The following CDK12 variants were observed in gnomAD, a reference collection of about 807,000 sequenced individuals.
CDK12 encodes the protein cyclin dependent kinase 12.
Under a neutral mutation model 133.8 loss-of-function variants are expected in CDK12, and 17 were observed. That is an observed-to-expected ratio of 0.13 (90% CI 0.09 to 0.19). CDK12 has a LOEUF of 0.19. CDK12 is among the 10% of genes least tolerant of loss of function. CDK12 has a pLI of 1.00. For synonymous variants in CDK12, 694 were observed against 683.6 expected, an observed-to-expected ratio of 1.02 and a Z score of -0.24; for missense variants, 1,508 against 1,818.7, an observed-to-expected ratio of 0.83 and a Z score of 3.11.
Position 39,463,061 on chromosome 17 carries a change from G to T in CDK12, c.990G>T (p.Arg330Ser). The change falls in exon 1 of 14, where the codon AGG becomes AGT. Residue 330 changes from arginine (R) to serine (S), a missense_variant. By Grantham distance (110) the Arg-to-Ser change is moderately radical. Coordinates refer to ENST00000447079, the MANE Select transcript of CDK12 (RefSeq NM_016507.4). ...GATCGCCCAGTCCCTATGGTCGAAG[G>T]CGGTCCAGCAGCCCTTTCCTGAGCA... ...SGRSPSPYGR[R>S]RSSSPFLSKR... The T allele has an allele frequency of 6.2e-7, 1 of 1,614,196 alleles. No homozygotes were observed. Among genetic ancestry groups the T allele is most frequent in the East Asian group, 2.2e-5 (1 of 44,886 alleles).
upstream of CDK12, among the ~76,000 whole-genome samples, chr17:39,547,573 C>T (rs2055774420): frequency 6.6e-6 from 1 of 152,190 alleles, no homozygotes; most frequent in South Asian, 2.1e-4. Flanking sequence ...TCTGTCCATA[C>T]TCATTCCCAG....
chr17:39,565,649 G>A (rs999705400), downstream of CDK12, among the ~76,000 whole-genome samples: 6 of 150,252 alleles, frequency 4.0e-5, no homozygotes, highest in African/African-American at 1.5e-4. Flanking sequence ...GGTCAGGCTG[G>A]TCTCAAACTC....
In CDK12 at chr17:39,564,312, AG is replaced by A. The variant is rs202144252; in HGVS notation, n.485-443del. 4.0e-3 allele frequency among the ~76,000 whole-genome samples: 608 copies of A among 152,220 alleles called. 6 individuals are homozygous for A. Among genetic ancestry groups the A allele is most frequent in the African/African-American group, 0.014 (577 of 41,536 alleles). On this transcript the variant is annotated intron_variant and non_coding_transcript_variant, in intron 3 of 3. Transcript: ENST00000558240. ...AGTCTATGATAGTGTGTGTCCCAAG[AG>A]GGGGTTACAGAGAAGCCATAAGCAA...
intron 11 of CDK12, 23 bp downstream of exon 11, chr17:39,520,110 T>C: frequency 6.2e-7 from 1 of 1,613,322 alleles, no homozygotes; most frequent in Middle Eastern, 1.7e-4. Flanking sequence ...AGCCATGTTG[T>C]GACCCTAAAT....
chr17:39,505,442 T>C (rs1240044747), intron 6 of CDK12, among the ~76,000 whole-genome samples: 3 of 148,318 alleles, frequency 2.0e-5, no homozygotes, highest in African/African-American at 7.5e-5. Flanking sequence ...GGAGAATCAC[T>C]TGAACCCGGG....
rs2054896570 is a variant in CDK12, at chr17:39,532,120, CTCTCT to C, written c.*805_*809del. 2 of 216,754 alleles carry C rather than the reference CTCTCT, an allele frequency of 9.2e-6. No homozygotes were observed. Among genetic ancestry groups the C allele is most frequent in the East Asian group, 1.2e-4 (2 of 16,640 alleles). 13.4% of individuals were successfully genotyped at this position (216,754 alleles called of 1,614,324 possible). ...TCTCTCTTTCTCTCTCTCTCTCTCT[CTCTCT>C]CTCTCTCTCTCTCTCTCTGTCTCGC... is the stretch of plus-strand genomic sequence containing the variant. On this transcript the variant is annotated 3_prime_UTR_variant, in exon 14 of 14. Transcript: ENST00000447079.
At chr17:39,512,234 C>T (rs893891192) in intron 8 of CDK12, among the ~76,000 whole-genome samples, 3 of 152,102 alleles carry the variant, frequency 2.0e-5, no homozygotes, top group Non-Finnish European at 2.9e-5. Context: ...TGACTACAGG[C>T]GTATGTTGCC....
chr17:39,494,972 C>G (rs1258499716), intron 5 of CDK12, among the ~76,000 whole-genome samples: 1 of 151,896 alleles, frequency 6.6e-6, no homozygotes, highest in Admixed American at 6.6e-5. Context: ...GGGGTTTCAC[C>G]GTGTTAGCCA....
In CDK12 at chr17:39,481,633, GCTCTCTCTCTCTCTCTCTCTCTCTCTCT is replaced by G. The variant is rs58047556; in HGVS notation, c.1932-8873_1932-8846del. Among the ~76,000 whole-genome samples, 40 of 17,626 alleles carry G rather than the reference GCTCTCTCTCTCTCTCTCTCTCTCTCTCT, an allele frequency of 2.3e-3. 3 individuals are homozygous for G. The highest frequency in any genetic ancestry group is 4.2e-3 in the Non-Finnish European group (25 of 5,956). 11.6% of individuals were successfully genotyped at this position (17,626 alleles called of 152,430 possible). A position where few individuals can be genotyped will look rare whatever the true frequency, so the allele number is the denominator to read the frequency against. On this transcript the variant is annotated intron_variant, in intron 2 of 13. Transcript: ENST00000447079. ...CACTTATGTGCTTGCTCGCTCGCGC[GCTCTCTCTCTCTCTCTCTCTCTCTCTCT>G]CTCTCTCTCTCTCTCTCTCTCTCTC...
At position 39,471,424 on chromosome 17, in the gene CDK12, C is replaced by T. The variant is rs149672767; in HGVS notation, c.1592C>T (p.Thr531Ile). 1.2e-6 allele frequency: 2 copies of T among 1,613,706 alleles called. No individual in the cohort carries two copies. The highest frequency in any genetic ancestry group is 2.7e-5 in the African/African-American group (2 of 74,882). ...SEKETPPPLP[T>I]IASPPPPLPT... ...AAGGAGACCCCTCCACCTCTTCCCACAATTGCTTCTCCCCCACCCCCTCTA... is the reference window on the plus strand; with the variant it reads ...AAGGAGACCCCTCCACCTCTTCCCATAATTGCTTCTCCCCCACCCCCTCTA... Residue 531 changes from threonine (T) to isoleucine (I), a missense_variant, in exon 2 of 14, where the codon ACA (threonine) becomes ATA (isoleucine). By Grantham distance (89) the Thr-to-Ile change is moderately conservative. This residue lies in a region of CDK12 where 347 missense variants were observed against 330.8 expected (regional missense o/e 1.05). Coordinates refer to ENST00000447079, the MANE Select transcript of CDK12 (RefSeq NM_016507.4).
At chr17:39,485,920 C>T (rs1312606456) in intron 2 of CDK12, among the ~76,000 whole-genome samples, 1 of 151,814 alleles carries the variant, frequency 6.6e-6, no homozygotes, top group African/African-American at 2.4e-5. Context: ...ATGATGATGA[C>T]ACAATTAAAA....
downstream of CDK12, among the ~76,000 whole-genome samples, chr17:39,537,574 T>A (rs920838405): frequency 6.6e-6 from 1 of 151,072 alleles, no homozygotes; most frequent in South Asian, 2.1e-4. Flanking sequence ...TATTTATTTA[T>A]TTATTTATTT....
At chr17:39,551,108 T>A (rs559253926) in exon 2 of CDK12, 1 of 152,138 alleles carries the variant, frequency 6.6e-6, no homozygotes, top group East Asian at 1.9e-4. Flanking sequence ...TGTTCCTGGA[T>A]TTGGAGAATT....
At chr17:39,503,650 G>C (rs1485078857) in intron 6 of CDK12, among the ~76,000 whole-genome samples, 1 of 152,146 alleles carries the variant, frequency 6.6e-6, no homozygotes, top group African/African-American at 2.4e-5. Flanking sequence ...AAGCTGATGA[G>C]GTTCCAGACT....
At chr17:39,564,243 A>G (rs1310435485) in intron 3 of CDK12, among the ~76,000 whole-genome samples, 2 of 152,140 alleles carry the variant, frequency 1.3e-5, no homozygotes, top group Non-Finnish European at 1.5e-5. Context: ...CAACCTTTCT[A>G]TGGGCTCTCT....
At position 39,526,101 on chromosome 17, in the gene CDK12, C is replaced by T. The variant is rs2146718360; in HGVS notation, c.3545C>T (p.Ala1182Val). The T allele has an allele frequency of 1.2e-6, 2 of 1,614,212 alleles. No homozygotes were observed. The highest frequency in any genetic ancestry group is 1.7e-6 in the Non-Finnish European group (2 of 1,180,024). Residue 1182 changes from alanine (A) to valine (V), a missense_variant, in exon 13 of 14, where the codon GCA becomes GTA. Transcript: ENST00000447079. Reference sequence around the variant, plus strand: ...GCCCCAGAGGAGTCTTTGAAGGAAGCACCCTCTGCCCCAGTGATCCTGCCT... The same window carrying T: ...GCCCCAGAGGAGTCTTTGAAGGAAGTACCCTCTGCCCCAGTGATCCTGCCT... ...TMAPEESLKE[A>V]PSAPVILPSA...
chr17:39,462,694 A>G lies in CDK12; in HGVS notation c.623A>G (p.Lys208Arg), dbSNP rs753585320. ...SKSHRKRETP[K>R]SYKTVDSPKR... is the part of the protein sequence containing the mutation. ...AGTCATCGAAAAAGGGAAACACCCA[A>G]AAGTTACAAAACAGTGGACAGCCCA... Residue 208 changes from lysine to arginine, a missense_variant, in exon 1 of 14, where the codon AAA becomes AGA. Physicochemically the swap from Lys to Arg is conservative, Grantham distance 26. Transcript: ENST00000447079. The G allele has an allele frequency of 1.2e-6, 2 of 1,614,106 alleles. No individual in the cohort carries two copies. The highest frequency in any genetic ancestry group is 1.1e-5 in the South Asian group (1 of 91,090).
intron 2 of CDK12, among the ~76,000 whole-genome samples, chr17:39,473,212 G>GTT (rs1253366488): frequency 6.6e-6 from 1 of 151,894 alleles, no homozygotes; most frequent in Non-Finnish European, 1.5e-5. Flanking sequence ...AGCCGGGTTT[G>GTT]TTTTTTCTCT....
chr17:39,556,653 C>T (rs1445116545), intron 3 of CDK12, among the ~76,000 whole-genome samples: 1 of 151,984 alleles, frequency 6.6e-6, no homozygotes, highest in East Asian at 1.9e-4. Flanking sequence ...GCTAGCCCAA[C>T]CCCCTCCCTG....
Sources: allele counts gnomAD v4.1 joint callset (sites outside exome capture counted in the v4.1 genomes callset), GRCh38; gene constraint gnomAD v4.1.1; regional missense constraint gnomAD v4.1.1; transcripts MANE v1.5; gene names NCBI Gene and HGNC (gene_info 2026-07-23, HGNC 2026-07-21).